Variants in ATP11A observed in about 807,000 individuals in gnomAD.
ATP11A encodes phospholipid-transporting ATPase IH.
In ATP11A, 81 loss-of-function variants were observed where a neutral mutation model predicts 154.4. The ratio of observed to expected loss-of-function variants is 0.52; its 90% CI spans 0.44 to 0.63. The LOEUF (loss-of-function observed/expected upper bound fraction) is 0.63. Among genes scored for constraint, ATP11A ranks in the 30% least tolerant of loss-of-function variants. ATP11A has a pLI of 0.00. For missense variants in ATP11A, 1,316 were observed against 1,474.3 expected, an observed-to-expected ratio of 0.89 and a Z score of 1.76; for synonymous variants, 623 against 585.9, an observed-to-expected ratio of 1.06 and a Z score of -0.91.
chr13:112,847,873 G>A lies in ATP11A; in HGVS notation c.1810-3164G>A, dbSNP rs2873375. 7.4e-3 allele frequency among the ~76,000 whole-genome samples: 1,121 copies of A among 152,268 alleles called. 21 individuals are homozygous for A. The highest frequency in any genetic ancestry group is 0.025 in the African/African-American group (1,059 of 41,540). On this transcript the variant is annotated intron_variant, in intron 17 of 29. Transcript: ENST00000375645. ...GGCTGAGGCATAAGGATCACTTGAG[G>A]CCAGAAGTTTGAGACCAGCCTGGGA...
chr13:112,700,187 C>T (rs1485574906), intron 1 of ATP11A, among the ~76,000 whole-genome samples: 4 of 151,986 alleles, frequency 2.6e-5, no homozygotes, highest in African/African-American at 7.2e-5. Context: ...ATTATGCATT[C>T]GACAAGGATG....
chr13:112,695,701 T>C (rs1014163158), intron 1 of ATP11A, among the ~76,000 whole-genome samples: 2 of 152,234 alleles, frequency 1.3e-5, no homozygotes, highest in African/African-American at 4.8e-5. Context: ...CATAGTTGCT[T>C]AACTACACAT....
chr13:112,871,033 G>A (rs79440705), intron 25 of ATP11A, among the ~76,000 whole-genome samples: 1,646 of 152,304 alleles, frequency 0.011, 45 homozygotes, highest in East Asian at 0.083. Flanking sequence ...GGTTCTGGCC[G>A]CACGCGGGGC....
intron 1 of ATP11A, among the ~76,000 whole-genome samples, chr13:112,775,208 T>C (rs1423086353): frequency 6.6e-6 from 1 of 152,268 alleles, no homozygotes; most frequent in Non-Finnish European, 1.5e-5. Context: ...CCGCGTAGCT[T>C]CCAGGTGTTT....
At chr13:112,713,073 T>C (rs1887951218) in intron 1 of ATP11A, among the ~76,000 whole-genome samples, 1 of 152,222 alleles carries the variant, frequency 6.6e-6, no homozygotes, top group Non-Finnish European at 1.5e-5. Flanking sequence ...CAGCTACACA[T>C]CCATCCATTT....
At chr13:112,805,631 G>A (rs1037177397) in intron 3 of ATP11A, among the ~76,000 whole-genome samples, 28 of 145,530 alleles carry the variant, frequency 1.9e-4, no homozygotes, top group Non-Finnish European at 3.4e-4. Context: ...AGCTGAGATC[G>A]TGCCACTACA....
At chr13:112,794,791 C>G (rs2077954588) in intron 2 of ATP11A, among the ~76,000 whole-genome samples, 1 of 151,948 alleles carries the variant, frequency 6.6e-6, no homozygotes, top group African/African-American at 2.4e-5. Flanking sequence ...TCGCTTGAAC[C>G]CGGGAGGCAG....
At chr13:112,858,830 C>T (rs2080013697) in intron 22 of ATP11A, 1 of 160,840 alleles carries the variant, frequency 6.2e-6, no homozygotes, top group South Asian at 1.7e-4. Flanking sequence ...TTTGTTGTTA[C>T]TCTTTCACTG....
intron 1 of ATP11A, among the ~76,000 whole-genome samples, chr13:112,775,011 C>T (rs1348321807): frequency 6.6e-6 from 1 of 152,264 alleles, no homozygotes; most frequent in African/African-American, 2.4e-5. Context: ...TCGGGGTAGG[C>T]GGCAAGGCCA....
chr13:112,859,491 T>G lies in ATP11A; in HGVS notation c.2727+39T>G. Reference sequence around the variant, plus strand: ...TCTTCAGGGACAGGCTGTCTGAGCCTTCTTTTCCTTCCCGCAGTGGGTGGC... The same window carrying G: ...TCTTCAGGGACAGGCTGTCTGAGCCGTCTTTTCCTTCCCGCAGTGGGTGGC... On this transcript the variant is annotated intron_variant, in intron 23 of 29. Transcript: ENST00000375645. The surrounding 1 kb of genome is among the most constrained non-coding windows in gnomAD (Gnocchi z 4.3). 6.4e-7 allele frequency: 1 copy of G among 1,554,796 alleles called. No homozygotes were observed.
chr13:112,816,071 T>C lies in ATP11A; in HGVS notation c.442-12T>C, dbSNP rs2078638280. ...GCTTTCCATTGACCATCCTTTCTGC[T>C]TTGTCCTGTAGGTTGGGGACATTGT... On this transcript the variant is annotated splice_polypyrimidine_tract_variant and intron_variant, in intron 5 of 29. Coordinates refer to ENST00000375645, the MANE Select transcript of ATP11A (RefSeq NM_015205.3). 5 of 1,614,152 alleles carry C rather than the reference T, an allele frequency of 3.1e-6. No homozygotes were observed. Among genetic ancestry groups the C allele is most frequent in the Non-Finnish European group, 4.2e-6 (5 of 1,179,992 alleles).
In ATP11A at chr13:112,843,739, T is replaced by C. The variant is rs746080839; in HGVS notation, c.1809+1360T>C. Among the ~76,000 whole-genome samples, 2 of 152,226 alleles carry C rather than the reference T, an allele frequency of 1.3e-5. 1 individual carries two copies. The highest frequency in any genetic ancestry group is 1.3e-4 in the Admixed American group (2 of 15,278). On this transcript the variant is annotated intron_variant, in intron 17 of 29. Transcript: ENST00000375645. ...TCAGAGCATTAAGAATTCCTGCCGA[T>C]GGACAGGAGCCCTTTCGCTCGCGAG... is the stretch of plus-strand genomic sequence containing the variant.
intron 9 of ATP11A, 95 bp downstream of exon 9, chr13:112,823,504 GGCACCTTGAGGTGC>G (rs1292842903): frequency 2.0e-6 from 2 of 994,602 alleles, no homozygotes; most frequent in African/African-American, 3.3e-5. Context: ...AGCGTTTCTT[GGCACCTTGAGGTGC>G]TGGAGGCTTT....
At chr13:112,748,326 A>G (rs1316061714) in intron 1 of ATP11A, among the ~76,000 whole-genome samples, 1 of 152,244 alleles carries the variant, frequency 6.6e-6, no homozygotes, top group Non-Finnish European at 1.5e-5. Flanking sequence ...TGTAGTAGAT[A>G]TATTTATTCT....
In ATP11A at chr13:112,875,934, G is replaced by C. The variant is rs539201752; in HGVS notation, c.3320G>C (p.Arg1107Thr). ...CAGCTGTGGCCAACAGCAACAGAGAGAGTCCAGGTACGGAGTGTCCCCAGC... is the reference window on the plus strand; with the variant it reads ...CAGCTGTGGCCAACAGCAACAGAGACAGTCCAGGTACGGAGTGTCCCCAGC... ...CRQLWPTATE[R>T]VQTKSQCLSV... Residue 1107 changes from arginine (R) to threonine (T), a missense_variant, in exon 28 of 30, where the codon AGA becomes ACA. This residue lies in a region of ATP11A where 294 missense variants were observed against 290.2 expected (regional missense o/e 1.01). Coordinates refer to ENST00000375645, the MANE Select transcript of ATP11A (RefSeq NM_015205.3). The surrounding 1 kb of genome is among the most constrained non-coding windows in gnomAD (Gnocchi z 4.1). 4 of 1,611,092 alleles carry C rather than the reference G, an allele frequency of 2.5e-6. No homozygotes were observed. In the South Asian group the frequency reaches 4.4e-5, roughly 18 times the overall value.
intron 1 of ATP11A, among the ~76,000 whole-genome samples, chr13:112,742,274 G>C (rs138992144): frequency 3.3e-4 from 50 of 152,304 alleles, no homozygotes; most frequent in African/African-American, 1.2e-3. Context: ...GGAACCCTTG[G>C]GGGGTGGGGG....
intron 1 of ATP11A, among the ~76,000 whole-genome samples, chr13:112,698,689 C>G (rs1231629659): frequency 1.3e-5 from 2 of 152,022 alleles, no homozygotes; most frequent in Non-Finnish European, 2.9e-5. Context: ...CATTAGTTGC[C>G]TCTTTAAACC....
At chr13:112,725,594 T>G (rs1033083200) in intron 1 of ATP11A, among the ~76,000 whole-genome samples, 13 of 152,176 alleles carry the variant, frequency 8.5e-5, no homozygotes, top group African/African-American at 3.1e-4. Flanking sequence ...CGACCAAGTG[T>G]GGGAAGCTTT....
At chr13:112,729,053 G>C (rs1055866200) in intron 1 of ATP11A, among the ~76,000 whole-genome samples, 9 of 152,188 alleles carry the variant, frequency 5.9e-5, no homozygotes, top group Admixed American at 3.9e-4. Context: ...TAAAGCAAAG[G>C]CTTTGTTCTC....
Sources: gnomAD v4.1 joint callset for allele counts (sites outside exome capture counted in the v4.1 genomes callset) on GRCh38, gnomAD v4.1.1 for gene constraint, gnomAD v4.1.1 regional missense constraint, Gnocchi (gnomAD v3.1) non-coding constraint, MANE v1.5 for transcripts, NCBI Gene and HGNC (gene_info 2026-07-23, HGNC 2026-07-21) for gene names.